The following ZBTB20 variants were observed in gnomAD, a reference collection of about 807,000 sequenced individuals.
ZBTB20 encodes the protein zinc finger and BTB domain-containing protein 20.
In ZBTB20, 9 loss-of-function variants were observed where a neutral mutation model predicts 56.9. The ratio of observed to expected loss-of-function variants is 0.16; its 90% CI spans 0.10 to 0.28. The LOEUF is 0.28. Ranked by LOEUF, ZBTB20 falls within the 10% of genes least tolerant of loss-of-function variation. The probability of loss-of-function intolerance (pLI) is 1.00; values close to 1 mark genes in which losing one functional copy is unlikely to be tolerated. For missense variants in ZBTB20, 655 were observed against 1,003.0 expected, an observed-to-expected ratio of 0.65 and a Z score of 4.69; for synonymous variants, 417 against 420.7, an observed-to-expected ratio of 0.99 and a Z score of 0.11.
chr3:114,534,627 G>A (rs2048253107), intron 6 of ZBTB20, among the ~76,000 whole-genome samples: 1 of 152,016 alleles, frequency 6.6e-6, no homozygotes, highest in African/African-American at 2.4e-5. Context: ...CTCAGCCCTG[G>A]GAACAAGTGG....
intron 3 of ZBTB20, among the ~76,000 whole-genome samples, chr3:114,917,142 A>C (rs1262036414): frequency 6.6e-6 from 1 of 152,004 alleles, no homozygotes; most frequent in East Asian, 1.9e-4. Context: ...TGTTTGATCA[A>C]TTCTCCCGTT....
intron 6 of ZBTB20, among the ~76,000 whole-genome samples, chr3:114,598,001 C>A (rs1043682424): frequency 6.6e-6 from 1 of 152,028 alleles, no homozygotes; most frequent in African/African-American, 2.4e-5. Context: ...ATGGAAATTG[C>A]AGTAAAATCT....
At chr3:114,824,534 C>G (rs897359073) in intron 4 of ZBTB20, among the ~76,000 whole-genome samples, 8 of 151,892 alleles carry the variant, frequency 5.3e-5, no homozygotes, top group African/African-American at 1.9e-4. Flanking sequence ...TTGGTGACAA[C>G]TTGTTGGCAG....
At chr3:114,969,243 T>C (rs1560448148) in intron 3 of ZBTB20, among the ~76,000 whole-genome samples, 1 of 152,078 alleles carries the variant, frequency 6.6e-6, no homozygotes, top group Non-Finnish European at 1.5e-5. Context: ...AAAGAAGGGG[T>C]TGACAGAAGA....
chr3:114,881,425 T>C (rs193037708), intron 4 of ZBTB20, among the ~76,000 whole-genome samples: 18 of 152,188 alleles, frequency 1.2e-4, no homozygotes, highest in African/African-American at 2.9e-4. Flanking sequence ...TGTACAGATA[T>C]AGGGTCTTAC....
At chr3:114,770,123 G>T (rs576900069) in intron 5 of ZBTB20, among the ~76,000 whole-genome samples, 3 of 151,816 alleles carry the variant, frequency 2.0e-5, no homozygotes, top group African/African-American at 7.2e-5. Context: ...AGGGGCGAGG[G>T]ATAGAAGACT....
chr3:114,724,276 T>C (rs1049480535), intron 5 of ZBTB20, among the ~76,000 whole-genome samples: 4 of 152,154 alleles, frequency 2.6e-5, no homozygotes, highest in African/African-American at 9.7e-5. Flanking sequence ...TCTGATAACA[T>C]TGAAGGTGAT....
chr3:114,572,652 C>T (rs895661531), intron 6 of ZBTB20, among the ~76,000 whole-genome samples: 1 of 152,154 alleles, frequency 6.6e-6, no homozygotes, highest in African/African-American at 2.4e-5. Context: ...AGCACTATGC[C>T]ATTGGCTAAT....
chr3:114,724,029 C>A (rs1000202620), intron 5 of ZBTB20, among the ~76,000 whole-genome samples: 1 of 151,252 alleles, frequency 6.6e-6, no homozygotes, highest in South Asian at 2.1e-4. Flanking sequence ...CCACCGAGCC[C>A]GGCTAATTTT....
chr3:115,092,903 C>T lies in ZBTB20; in HGVS notation c.-702-21489G>A, dbSNP rs115541170. On this transcript the variant is annotated intron_variant, in intron 1 of 11. Transcript: ENST00000675478. Reference sequence around the variant, plus strand: ...TGCTCTCTCAAGCCACATAAATGTCCGTTATTCTTCCTTTATTACCCACCC... The same window carrying T: ...TGCTCTCTCAAGCCACATAAATGTCTGTTATTCTTCCTTTATTACCCACCC... 7.1e-3 allele frequency among the ~76,000 whole-genome samples: 1,084 copies of T among 152,162 alleles called. 9 individuals are homozygous for T. The highest frequency in any genetic ancestry group is 0.044 in the Middle Eastern group (13 of 294).
intron 2 of ZBTB20, among the ~76,000 whole-genome samples, chr3:114,999,443 G>A (rs1007679165): frequency 1.3e-5 from 2 of 151,662 alleles, no homozygotes; most frequent in African/African-American, 2.4e-5. Flanking sequence ...TATAATTTGT[G>A]CTATATAAAA....
chr3:114,465,579 C>T lies in ZBTB20; in HGVS notation c.-255+34773G>A, dbSNP rs1368536712. 3.3e-5 allele frequency among the ~76,000 whole-genome samples: 5 copies of T among 151,944 alleles called. No homozygotes were observed. The South Asian group carries it at 6.2e-4, about 19-fold the overall frequency. ...AAAATTAGCCAGGCATGGTGGCACACGCCTGTAATCCCAGCTACTCAGGAG... is the reference window on the plus strand; with the variant it reads ...AAAATTAGCCAGGCATGGTGGCACATGCCTGTAATCCCAGCTACTCAGGAG... On this transcript the variant is annotated intron_variant, in intron 7 of 11. Coordinates refer to ENST00000675478, the MANE Select transcript of ZBTB20 (RefSeq NM_001348800.3).
intron 2 of ZBTB20, among the ~76,000 whole-genome samples, chr3:115,061,709 T>C (rs545214581): frequency 2.0e-5 from 3 of 152,312 alleles, no homozygotes; most frequent in Non-Finnish European, 2.9e-5. Context: ...AATTAGAGTG[T>C]TCTTGTACAC....
intron 6 of ZBTB20, among the ~76,000 whole-genome samples, chr3:114,555,091 T>A (rs551317969): frequency 6.6e-6 from 1 of 152,154 alleles, no homozygotes; most frequent in East Asian, 1.9e-4. Flanking sequence ...TTTCTTATAC[T>A]TGAAGAAGCT....
intron 5 of ZBTB20, among the ~76,000 whole-genome samples, chr3:114,792,978 T>G (rs1238376055): frequency 6.6e-6 from 1 of 150,868 alleles, no homozygotes; most frequent in Non-Finnish European, 1.5e-5. Flanking sequence ...TGGGTTTAAG[T>G]GATTCTCCTG....
chr3:114,522,262 C>T (rs897736504), intron 6 of ZBTB20, among the ~76,000 whole-genome samples: 42 of 152,046 alleles, frequency 2.8e-4, no homozygotes, highest in African/African-American at 9.9e-4. Context: ...CTGGGGAAAA[C>T]ATTTAAGGCG....
At chr3:114,572,747 G>C (rs1032102179) in intron 6 of ZBTB20, among the ~76,000 whole-genome samples, 1 of 152,132 alleles carries the variant, frequency 6.6e-6, no homozygotes, top group African/African-American at 2.4e-5. Flanking sequence ...TGTATATTTC[G>C]AGCCAATAAA....
At chr3:114,397,695 A>G (rs1379603731) in intron 7 of ZBTB20, among the ~76,000 whole-genome samples, 3 of 152,144 alleles carry the variant, frequency 2.0e-5, no homozygotes, top group African/African-American at 4.8e-5. Flanking sequence ...TCCTCAGTCA[A>G]GTAAGTTTAG....
intron 2 of ZBTB20, among the ~76,000 whole-genome samples, chr3:114,981,582 G>A (rs80353975): frequency 2.0e-5 from 3 of 151,888 alleles, no homozygotes; most frequent in African/African-American, 7.3e-5. Context: ...GCAAATACAT[G>A]AGCAGTCCCC....
Sources: gnomAD v4.1 joint callset for allele counts (sites outside exome capture counted in the v4.1 genomes callset) on GRCh38, gnomAD v4.1.1 for gene constraint, MANE v1.5 for transcripts, NCBI Gene and HGNC (gene_info 2026-07-23, HGNC 2026-07-21) for gene names.